The following ZMAT4 variants were observed in gnomAD, a reference collection of about 807,000 sequenced individuals.
The protein encoded by ZMAT4 is zinc finger matrin-type 4.
A neutral mutation model predicts 28.7 loss-of-function variants in ZMAT4; 17 were observed. The ratio of observed to expected loss-of-function variants is 0.59; its 90% CI spans 0.41 to 0.89. ZMAT4 has a LOEUF of 0.89. Ranked by LOEUF, ZMAT4 falls within the 40% of genes least tolerant of loss-of-function variation. The pLI is 0.00. For missense variants in ZMAT4, 240 were observed against 283.8 expected, an observed-to-expected ratio of 0.85 and a Z score of 1.11; for synonymous variants, 117 against 109.2, an observed-to-expected ratio of 1.07 and a Z score of -0.44.
At chr8:40,633,351 G>A (rs527668602) in intron 5 of ZMAT4, among the ~76,000 whole-genome samples, 6 of 152,146 alleles carry the variant, frequency 3.9e-5, no homozygotes, top group South Asian at 2.1e-4. Flanking sequence ...TTCTGTCCCC[G>A]ATAAGTGGGA....
At chr8:40,661,505 T>C (rs1363022581) in intron 5 of ZMAT4, among the ~76,000 whole-genome samples, 1 of 152,242 alleles carries the variant, frequency 6.6e-6, no homozygotes. Context: ...ATAATCTCAG[T>C]TCACAATCAC....
intron 1 of ZMAT4, among the ~76,000 whole-genome samples, chr8:40,847,854 CT>C (rs1816964181): frequency 6.6e-6 from 1 of 152,176 alleles, no homozygotes; most frequent in African/African-American, 2.4e-5. Flanking sequence ...GTCTGCAGGG[CT>C]CCAACAGAAA....
intron 2 of ZMAT4, 32 bp from the exon 3 acceptor site, chr8:40,767,762 A>G (rs1253280523): frequency 1.3e-6 from 2 of 1,580,738 alleles, no homozygotes; most frequent in East Asian, 4.5e-5. Context: ...AGATACTGTA[A>G]AAGATAAGCC....
intron 4 of ZMAT4, among the ~76,000 whole-genome samples, chr8:40,677,089 T>C (rs1808942229): frequency 6.6e-6 from 1 of 152,148 alleles, no homozygotes; most frequent in Non-Finnish European, 1.5e-5. Flanking sequence ...TGAAGCATAA[T>C]TTATTTTTCT....
At chr8:40,747,620 G>T (rs1248857791) in intron 3 of ZMAT4, among the ~76,000 whole-genome samples, 2 of 151,724 alleles carry the variant, frequency 1.3e-5, no homozygotes, top group East Asian at 3.9e-4. Context: ...ACATAAAAAT[G>T]CAAAGTATGT....
intron 5 of ZMAT4, among the ~76,000 whole-genome samples, chr8:40,589,093 T>C (rs1804765536): frequency 1.3e-5 from 2 of 152,206 alleles, no homozygotes; most frequent in African/African-American, 4.8e-5. Context: ...CATGGATTTG[T>C]TATCTTTGAG....
At chr8:40,572,468 C>A (rs1804129263) in intron 6 of ZMAT4, among the ~76,000 whole-genome samples, 1 of 152,114 alleles carries the variant, frequency 6.6e-6, no homozygotes, top group Non-Finnish European at 1.5e-5. Flanking sequence ...CATTTTCAAC[C>A]AACTGAAGTA....
chr8:40,818,052 C>T (rs1297499318), intron 2 of ZMAT4, among the ~76,000 whole-genome samples: 2 of 152,154 alleles, frequency 1.3e-5, no homozygotes, highest in Non-Finnish European at 1.5e-5. Context: ...ATACCCTACC[C>T]GTGTCCTCTT....
At chr8:40,667,179 A>G (rs993237617) in intron 5 of ZMAT4, among the ~76,000 whole-genome samples, 13 of 151,712 alleles carry the variant, frequency 8.6e-5, no homozygotes, top group Non-Finnish European at 1.6e-4. Flanking sequence ...TCTTTGAGAC[A>G]GAGTCTCGCT....
intron 1 of ZMAT4, among the ~76,000 whole-genome samples, chr8:40,865,642 A>G (rs1180099236): frequency 1.3e-5 from 2 of 152,200 alleles, no homozygotes; most frequent in Non-Finnish European, 2.9e-5. Context: ...GGGAGGGATT[A>G]TGCCTTTTAT....
chr8:40,838,617 T>C (rs993877659), intron 1 of ZMAT4, among the ~76,000 whole-genome samples: 1 of 152,162 alleles, frequency 6.6e-6, no homozygotes, highest in Non-Finnish European at 1.5e-5. Context: ...AGCCTGGCAG[T>C]GAACTATTGG....
intron 5 of ZMAT4, among the ~76,000 whole-genome samples, chr8:40,627,221 T>C (rs933495014): frequency 2.6e-5 from 4 of 152,210 alleles, no homozygotes; most frequent in African/African-American, 9.7e-5. Context: ...CTGTGGAATG[T>C]TCTATTAGAG....
At chr8:40,798,027 C>T (rs1814668672) in intron 2 of ZMAT4, among the ~76,000 whole-genome samples, 1 of 152,200 alleles carries the variant, frequency 6.6e-6, no homozygotes, top group South Asian at 2.1e-4. Flanking sequence ...GTCTTCACTG[C>T]TCCACCAGGC....
intron 3 of ZMAT4, among the ~76,000 whole-genome samples, chr8:40,733,235 G>T (rs892953703): frequency 6.6e-6 from 1 of 152,008 alleles, no homozygotes; most frequent in African/African-American, 2.4e-5. Flanking sequence ...GACAATTATC[G>T]CAGGGGGTTC....
chr8:40,545,579 C>T (rs1474375931), intron 6 of ZMAT4, among the ~76,000 whole-genome samples: 1 of 152,036 alleles, frequency 6.6e-6, no homozygotes, highest in African/African-American at 2.4e-5. Context: ...ATGAAAAGGA[C>T]AAATTTGGGC....
intron 5 of ZMAT4, among the ~76,000 whole-genome samples, chr8:40,615,876 A>C (rs1009185324): frequency 5.9e-5 from 9 of 152,170 alleles, no homozygotes; most frequent in Non-Finnish European, 1.2e-4. Flanking sequence ...AAAAGCTAAA[A>C]TTGACAAATG....
At chr8:40,605,830 T>C (rs537523416) in intron 5 of ZMAT4, among the ~76,000 whole-genome samples, 27 of 152,306 alleles carry the variant, frequency 1.8e-4, no homozygotes, top group African/African-American at 6.3e-4. Context: ...AATTGTTTTG[T>C]AGATTTAGGA....
At chr8:40,826,487 A>G (rs568439434) in intron 1 of ZMAT4, among the ~76,000 whole-genome samples, 2 of 152,186 alleles carry the variant, frequency 1.3e-5, no homozygotes, top group African/African-American at 2.4e-5. Context: ...TTTCTTCAAC[A>G]ATCACATATT....
At chr8:40,706,035 C>CTTAT (rs749280656) in intron 3 of ZMAT4, among the ~76,000 whole-genome samples, 21 of 152,044 alleles carry the variant, frequency 1.4e-4, no homozygotes, top group South Asian at 4.2e-4. Flanking sequence ...TGAGTATTTA[C>CTTAT]TTATTTATTT....
Sources: gnomAD v4.1 joint callset for allele counts (sites outside exome capture counted in the v4.1 genomes callset) on GRCh38, gnomAD v4.1.1 for gene constraint, MANE v1.5 for transcripts, NCBI Gene and HGNC (gene_info 2026-07-23, HGNC 2026-07-21) for gene names.